Variants in CRISPLD2 observed in about 807,000 individuals in gnomAD.
The protein encoded by CRISPLD2 is cysteine rich secretory protein LCCL domain containing 2.
CRISPLD2 carries 47 observed loss-of-function variants against 71.1 expected under a neutral mutation model. The ratio of observed to expected loss-of-function variants is 0.66; its 90% CI spans 0.52 to 0.84. The LOEUF is 0.84. Among genes scored for constraint, CRISPLD2 ranks in the 40% least tolerant of loss-of-function variants. The pLI, the probability that CRISPLD2 is intolerant of heterozygous loss-of-function variation, is 0.00. For synonymous variants in CRISPLD2, 317 were observed against 250.1 expected, an observed-to-expected ratio of 1.27 and a Z score of -2.52; for missense variants, 830 against 651.1, an observed-to-expected ratio of 1.27 and a Z score of -2.99.
At chr16:84,903,613 AAG>A (rs1482095935) in intron 14 of CRISPLD2, among the ~76,000 whole-genome samples, 102 of 147,872 alleles carry the variant, frequency 6.9e-4, no homozygotes, top group African/African-American at 2.5e-3. Context: ...AAAAAAAAAA[AAG>A]CCCAAAGAGA....
At chr16:84,837,154 G>A (rs1174873967) in intron 1 of CRISPLD2, among the ~76,000 whole-genome samples, 1 of 152,236 alleles carries the variant, frequency 6.6e-6, no homozygotes, top group Non-Finnish European at 1.5e-5. Context: ...GGAGGGGTGT[G>A]CGTGGACGCA....
chr16:84,829,414 G>T (rs578149454), intron 1 of CRISPLD2, among the ~76,000 whole-genome samples: 3 of 152,314 alleles, frequency 2.0e-5, no homozygotes, highest in African/African-American at 7.2e-5. Context: ...CAAACGGGGG[G>T]AGTGGAGTAC....
chr16:84,849,182 C>T (rs886749607), intron 3 of CRISPLD2: 6 of 549,108 alleles, frequency 1.1e-5, no homozygotes, highest in East Asian at 3.0e-5. Flanking sequence ...CCTCCCTCCT[C>T]GCTGCCCGTG....
At chr16:84,880,907 G>C (rs770187898) in intron 13 of CRISPLD2, among the ~76,000 whole-genome samples, 7 of 152,134 alleles carry the variant, frequency 4.6e-5, no homozygotes, top group Middle Eastern at 3.4e-3. Flanking sequence ...GTTTCACCAT[G>C]TTGGCCAGGC....
rs569603671 is a variant in CRISPLD2, at chr16:84,838,634, G to A, written c.139G>A (p.Val47Ile). Reference sequence around the variant, plus strand: ...CCAGCACAACGAGTCTCACTCCCGGGTCCGCAGAGCCATCCCCAGGGAGGA... The same window carrying A: ...CCAGCACAACGAGTCTCACTCCCGGATCCGCAGAGCCATCCCCAGGGAGGA... ...KYQHNESHSR[V>I]RRAIPREDKE... is the part of the protein sequence containing the mutation. The change falls in exon 2 of 15, where the codon GTC (valine) becomes ATC (isoleucine). Residue 47 changes from valine (V) to isoleucine (I), a missense_variant. Coordinates refer to ENST00000262424, the MANE Select transcript of CRISPLD2 (RefSeq NM_031476.4). 2 of 1,614,228 alleles carry A rather than the reference G, an allele frequency of 1.2e-6. No individual in the cohort carries two copies. The highest frequency in any genetic ancestry group is 2.2e-5 in the East Asian group (1 of 44,878).
At chr16:84,876,024 C>T (rs749364895) in intron 11 of CRISPLD2, among the ~76,000 whole-genome samples, 6 of 152,158 alleles carry the variant, frequency 3.9e-5, no homozygotes, top group African/African-American at 9.7e-5. Context: ...GTTCAGCAAA[C>T]GATGACTCAT....
intron 5 of CRISPLD2, among the ~76,000 whole-genome samples, chr16:84,850,955 T>C (rs575517982): frequency 6.6e-6 from 1 of 152,134 alleles, no homozygotes; most frequent in South Asian, 2.1e-4. Context: ...CAAGGAAGGA[T>C]GGTCAAAGGG....
chr16:84,853,703 C>T (rs1337687846), intron 5 of CRISPLD2, among the ~76,000 whole-genome samples: 1 of 152,254 alleles, frequency 6.6e-6, no homozygotes, highest in Non-Finnish European at 1.5e-5. Flanking sequence ...CAGAGCGTTC[C>T]CCGCACAAGC....
chr16:84,876,976 C>T (rs2071524380), intron 11 of CRISPLD2, among the ~76,000 whole-genome samples: 1 of 152,152 alleles, frequency 6.6e-6, no homozygotes, highest in Admixed American at 6.5e-5. Context: ...TGATTAGCGG[C>T]AGGAGGTAGG....
At chr16:84,885,312 A>C (rs2071602966) in intron 13 of CRISPLD2, among the ~76,000 whole-genome samples, 1 of 152,260 alleles carries the variant, frequency 6.6e-6, no homozygotes, top group Admixed American at 6.5e-5. Context: ...TTCATCTTAA[A>C]GTCTCCTCGC....
chr16:84,861,123 C>T (rs1011834465), intron 6 of CRISPLD2, among the ~76,000 whole-genome samples: 3 of 152,144 alleles, frequency 2.0e-5, no homozygotes, highest in African/African-American at 7.2e-5. Context: ...CCAAATAGCT[C>T]ATGCCAAGGA....
chr16:84,906,762 G>C lies in CRISPLD2; in HGVS notation c.*120G>C. On this transcript the variant is annotated 3_prime_UTR_variant, in exon 15 of 15. Transcript: ENST00000262424. ...GGAAACTTCCTTTGACTGATGTTCA[G>C]TGTCCATCACTTTGTGGCCTGTGGG... 1.8e-6 allele frequency: 2 copies of C among 1,139,048 alleles called. No individual in the cohort carries two copies. Among genetic ancestry groups the C allele is most frequent in the African/African-American group, 1.5e-5 (1 of 65,552 alleles). 70.6% of individuals were successfully genotyped at this position (1,139,048 alleles called of 1,614,324 possible).
At chr16:84,874,063 C>T (rs2071498572) in intron 11 of CRISPLD2, 100 bp downstream of exon 11, 6 of 1,080,686 alleles carry the variant, frequency 5.6e-6, no homozygotes, top group Non-Finnish European at 6.9e-6. Context: ...GTTTATCATG[C>T]GTGTGAACAT....
chr16:84,884,188 C>T lies in CRISPLD2; in HGVS notation c.1305+3604C>T, dbSNP rs112171527. Reference sequence around the variant, plus strand: ...TAACCCTCTTCTTCCTCACTGTCATCACCCTAGGTGGGACAGTGGACAGAT... The same window carrying T: ...TAACCCTCTTCTTCCTCACTGTCATTACCCTAGGTGGGACAGTGGACAGAT... On this transcript the variant is annotated intron_variant, in intron 13 of 14. Transcript: ENST00000262424. 3.1e-3 allele frequency among the ~76,000 whole-genome samples: 476 copies of T among 152,284 alleles called. 4 individuals carry two copies. The highest frequency in any genetic ancestry group is 0.011 in the African/African-American group (453 of 41,574).
intron 14 of CRISPLD2, among the ~76,000 whole-genome samples, chr16:84,893,366 C>G (rs2071679189): frequency 6.6e-6 from 1 of 152,196 alleles, no homozygotes; most frequent in Admixed American, 6.5e-5. Context: ...GGTCAGGTGG[C>G]TGGATCCTAA....
At chr16:84,850,254 C>T (rs1249400123) in intron 4 of CRISPLD2, among the ~76,000 whole-genome samples, 2 of 152,042 alleles carry the variant, frequency 1.3e-5, no homozygotes, top group African/African-American at 4.8e-5. Context: ...CCACGCCCGG[C>T]TAATTTTTGT....
chr16:84,895,418 A>G (rs1285332533), intron 14 of CRISPLD2, among the ~76,000 whole-genome samples: 1 of 152,218 alleles, frequency 6.6e-6, no homozygotes, highest in Non-Finnish European at 1.5e-5. Flanking sequence ...CAAGAAATAC[A>G]TACTTATTAT....
intron 1 of CRISPLD2, among the ~76,000 whole-genome samples, chr16:84,826,047 G>A (rs1364192879): frequency 6.6e-6 from 1 of 152,178 alleles, no homozygotes; most frequent in Admixed American, 6.5e-5. Context: ...TGGATCAGAA[G>A]CTGTGGGGTG....
At position 84,906,273 on chromosome 16, in the gene CRISPLD2, C is replaced by G. The variant is rs142363569; in HGVS notation, c.1440-315C>G. Reference sequence around the variant, plus strand: ...TTCGGGTTGACAGGTGGTAGTGAAACCAAGCAGAATTCTCGGAGGGTGAGT... The same window carrying G: ...TTCGGGTTGACAGGTGGTAGTGAAAGCAAGCAGAATTCTCGGAGGGTGAGT... On this transcript the variant is annotated intron_variant, in intron 14 of 14. Transcript: ENST00000262424. Among the ~76,000 whole-genome samples the G allele has an allele frequency of 9.0e-3, 1,371 of 152,028 alleles. 26 individuals carry two copies. Among genetic ancestry groups the G allele is most frequent in the African/African-American group, 0.032 (1,311 of 41,452 alleles).
Sources: gnomAD v4.1 joint callset for allele counts (sites outside exome capture counted in the v4.1 genomes callset) on GRCh38, gnomAD v4.1.1 for gene constraint, MANE v1.5 for transcripts, NCBI Gene and HGNC (gene_info 2026-07-23, HGNC 2026-07-21) for gene names.